ESRRG: variants seen among roughly 807,000 people sequenced by gnomAD.
The protein encoded by ESRRG is estrogen related receptor gamma.
In ESRRG, 13 loss-of-function variants were observed where a neutral mutation model predicts 44.0. That is an observed-to-expected ratio of 0.30 (90% CI 0.19 to 0.47). The LOEUF (loss-of-function observed/expected upper bound fraction) is 0.47, where lower values mean the gene tolerates loss of function less well. Among genes scored for constraint, ESRRG ranks in the 20% least tolerant of loss-of-function variants. The pLI is 1.00. For synonymous variants in ESRRG, 215 were observed against 214.6 expected, an observed-to-expected ratio of 1.00 and a Z score of -0.02; for missense variants, 395 against 580.6, an observed-to-expected ratio of 0.68 and a Z score of 3.29.
chr1:217,037,035 C>T (rs1252405784), intron 1 of ESRRG, among the ~76,000 whole-genome samples: 2 of 152,124 alleles, frequency 1.3e-5, no homozygotes, highest in African/African-American at 4.8e-5. Flanking sequence ...GACCACAAGG[C>T]TGAGTTTGTT....
chr1:216,883,159 T>C (rs777972413), intron 2 of ESRRG, among the ~76,000 whole-genome samples: 1 of 151,800 alleles, frequency 6.6e-6, no homozygotes, highest in Non-Finnish European at 1.5e-5. Context: ...AGGCGTATCA[T>C]CTGAGGTCAG....
At chr1:216,631,514 T>C (rs991691703) in intron 3 of ESRRG, among the ~76,000 whole-genome samples, 1 of 152,214 alleles carries the variant, frequency 6.6e-6, no homozygotes. Flanking sequence ...TGAAGACTTA[T>C]AAACAGCCCA....
chr1:216,527,895 T>C (rs528336452), intron 5 of ESRRG, among the ~76,000 whole-genome samples: 4 of 152,240 alleles, frequency 2.6e-5, no homozygotes, highest in East Asian at 1.9e-4. Flanking sequence ...TGCTGCTTGA[T>C]AGATGTATCT....
intron 1 of ESRRG, among the ~76,000 whole-genome samples, chr1:216,689,182 C>T (rs1309996707): frequency 6.6e-6 from 1 of 152,104 alleles, no homozygotes; most frequent in Non-Finnish European, 1.5e-5. Flanking sequence ...TTATTGCTTT[C>T]CAAGTCTGTG....
chr1:216,958,805 T>C lies in ESRRG; in HGVS notation c.-105-19132A>G, dbSNP rs147695648. ...GCTTAGACTCTTCATTATCCTGGTGTCCTTGAGCAACCAATCACCAGACCT... is the reference window on the plus strand; with the variant it reads ...GCTTAGACTCTTCATTATCCTGGTGCCCTTGAGCAACCAATCACCAGACCT... On this transcript the variant is annotated intron_variant, in intron 1 of 7. Coordinates refer to the ESRRG transcript ENST00000359162. Among the ~76,000 whole-genome samples, 654 of 152,216 alleles carry C rather than the reference T, an allele frequency of 4.3e-3. 8 individuals are homozygous for C. The highest frequency in any genetic ancestry group is 0.015 in the African/African-American group (614 of 41,538).
At chr1:216,992,365 A>G (rs1482009700) in intron 1 of ESRRG, among the ~76,000 whole-genome samples, 1 of 152,248 alleles carries the variant, frequency 6.6e-6, no homozygotes, top group East Asian at 1.9e-4. Context: ...GAGCCTTGTC[A>G]GGATCTGAAT....
chr1:216,928,928 TG>T (rs1560147841), intron 2 of ESRRG, among the ~76,000 whole-genome samples: 1 of 152,062 alleles, frequency 6.6e-6, no homozygotes, highest in Non-Finnish European at 1.5e-5. Context: ...ACAGAAAGAA[TG>T]GGGGATGCTA....
At chr1:216,740,166 GA>G (rs2090490154) in intron 2 of ESRRG, among the ~76,000 whole-genome samples, 2 of 152,136 alleles carry the variant, frequency 1.3e-5, no homozygotes, top group Non-Finnish European at 2.9e-5. Context: ...CCAATTTTGT[GA>G]CATGAAGTCT....
At chr1:216,902,021 C>G (rs1209931025) in intron 2 of ESRRG, among the ~76,000 whole-genome samples, 2 of 152,126 alleles carry the variant, frequency 1.3e-5, no homozygotes, top group Non-Finnish European at 2.9e-5. Flanking sequence ...CCATTGCCTC[C>G]CAAGTTGCAG....
At chr1:216,702,257 T>C (rs1218930195) in intron 1 of ESRRG, among the ~76,000 whole-genome samples, 1 of 152,106 alleles carries the variant, frequency 6.6e-6, no homozygotes, top group Admixed American at 6.6e-5. Flanking sequence ...AAAATTAACA[T>C]CCAGATTATA....
chr1:216,844,404 A>C (rs1325427287), intron 2 of ESRRG, among the ~76,000 whole-genome samples: 1 of 152,106 alleles, frequency 6.6e-6, no homozygotes, highest in African/African-American at 2.4e-5. Flanking sequence ...AACCTCCCCG[A>C]AGCTTGCTAT....
chr1:217,089,064 C>T lies in ESRRG; in HGVS notation c.-106+443G>A, dbSNP rs1387985504. ...ACCAGAAGGATTTTCCAGCCCATGA[C>T]AGCAGTCCTCAACTCCTGGCACCAC... On this transcript the variant is annotated intron_variant, in intron 1 of 7. Transcript: ENST00000359162. 5.3e-5 allele frequency among the ~76,000 whole-genome samples: 8 copies of T among 152,022 alleles called. No individual in the cohort carries two copies. The East Asian group carries it at 1.6e-3, about 29-fold the overall frequency.
chr1:216,528,725 A>C (rs2048406286), intron 5 of ESRRG, among the ~76,000 whole-genome samples: 1 of 152,096 alleles, frequency 6.6e-6, no homozygotes, highest in African/African-American at 2.4e-5. Context: ...ACACTAAAAA[A>C]CTTGCAAGAA....
At chr1:216,593,920 C>T (rs2058065631) in intron 3 of ESRRG, among the ~76,000 whole-genome samples, 1 of 152,086 alleles carries the variant, frequency 6.6e-6, no homozygotes, top group South Asian at 2.1e-4. Flanking sequence ...GTTGTAGAGA[C>T]AGGGGTCTCA....
In ESRRG at chr1:216,503,555, T is replaced by A. The variant is rs2040693440; in HGVS notation, c.*3384A>T. Reference sequence around the variant, plus strand: ...TGGCTATAATGCAACTCCTGGATTATTATAAGCAGTTTAAATTTTTTGTCC... The same window carrying A: ...TGGCTATAATGCAACTCCTGGATTAATATAAGCAGTTTAAATTTTTTGTCC... On this transcript the variant is annotated 3_prime_UTR_variant, in exon 7 of 7. Coordinates refer to ENST00000408911, the MANE Select transcript of ESRRG (RefSeq NM_001438.4). 1 of 152,494 alleles carries A rather than the reference T, an allele frequency of 6.6e-6. No individual in the cohort carries two copies. Among genetic ancestry groups the A allele is most frequent in the African/African-American group, 2.4e-5 (1 of 41,420 alleles). The allele number at this position is 152,494 out of a possible 1,614,324, so 9.4% of individuals were successfully genotyped here.
At chr1:217,112,665 TC>T (rs909645698) in intron 1 of ESRRG, among the ~76,000 whole-genome samples, 2 of 152,222 alleles carry the variant, frequency 1.3e-5, no homozygotes, top group African/African-American at 4.8e-5. Context: ...TTACAAAGGA[TC>T]TAGGATTTGC....
intron 1 of ESRRG, among the ~76,000 whole-genome samples, chr1:216,974,541 C>A (rs1466062956): frequency 6.6e-6 from 1 of 152,012 alleles, no homozygotes; most frequent in Non-Finnish European, 1.5e-5. Flanking sequence ...TATACATTAG[C>A]CTCCAAAGTT....
chr1:216,846,523 A>T (rs1035871024), intron 2 of ESRRG, among the ~76,000 whole-genome samples: 3 of 152,076 alleles, frequency 2.0e-5, no homozygotes, highest in African/African-American at 7.2e-5. Context: ...CGTTCCGATA[A>T]AATTTTATTC....
chr1:217,109,398 A>C (rs562402732), intron 1 of ESRRG, among the ~76,000 whole-genome samples: 21 of 152,264 alleles, frequency 1.4e-4, no homozygotes, highest in Admixed American at 3.9e-4. Flanking sequence ...TCCAGAAAGC[A>C]TCTTTAGCCC....
Sources: gnomAD v4.1 joint callset for allele counts (sites outside exome capture counted in the v4.1 genomes callset) on GRCh38, gnomAD v4.1.1 for gene constraint, MANE v1.5 for transcripts, NCBI Gene and HGNC (gene_info 2026-07-23, HGNC 2026-07-21) for gene names.